The following ZKSCAN2 variants were observed in gnomAD, a reference collection of about 807,000 sequenced individuals.
The protein encoded by ZKSCAN2 is zinc finger with KRAB and SCAN domains 2.
ZKSCAN2 carries 38 observed loss-of-function variants against 90.5 expected under a neutral mutation model. That is an observed-to-expected ratio of 0.42 (90% confidence interval 0.32 to 0.55). The LOEUF is 0.55. ZKSCAN2 is among the 20% of genes least tolerant of loss of function. The pLI, the probability that ZKSCAN2 is intolerant of heterozygous loss-of-function variation, is 0.11. For missense variants in ZKSCAN2, 1,167 were observed against 1,202.6 expected (o/e 0.97, Z 0.44); for synonymous variants, 429 against 421.6 (o/e 1.02, Z -0.22).
intron 4 of ZKSCAN2, among the ~76,000 whole-genome samples, chr16:25,250,350 G>A (rs1374923428): frequency 1.3e-5 from 2 of 152,094 alleles, no homozygotes; most frequent in Non-Finnish European, 2.9e-5. Context: ...ACAACACTTG[G>A]AGGGCATTGT....
intron 1 of ZKSCAN2, among the ~76,000 whole-genome samples, chr16:25,255,823 T>C (rs911540091): frequency 5.9e-5 from 9 of 152,166 alleles, no homozygotes; most frequent in African/African-American, 1.9e-4. Flanking sequence ...CCTCAGGTGA[T>C]CAACATGCCT....
intron 6 of ZKSCAN2, 21 bp downstream of exon 6, chr16:25,243,764 C>G: frequency 6.3e-7 from 1 of 1,576,112 alleles, no homozygotes; most frequent in Non-Finnish European, 8.6e-7. Flanking sequence ...TGGACTAAAA[C>G]TCCTTGGTTT....
chr16:25,251,806 T>C (rs544452180), intron 4 of ZKSCAN2, 103 bp downstream of exon 4: 2 of 1,370,394 alleles, frequency 1.5e-6, no homozygotes, highest in East Asian at 2.4e-5. Flanking sequence ...TCCTTAGAGA[T>C]CCTTTAAGTG....
In ZKSCAN2 at chr16:25,246,987, G is replaced by C. The variant is rs1373831145; in HGVS notation, c.1209C>G (p.Ser403Arg). ...CRTKFKSLQK[S>R]YRKVRNGHML... ...TGTGGCCATTTCTCACCTTTCGATA[G>C]CTTTTCTGGAGACTTTTGAACTTGG... The change falls in exon 5 of 7, where the codon AGC (serine) becomes AGG (arginine). Residue 403 changes from serine (S) to arginine (R), a missense_variant. Ser to Arg is a moderately radical substitution (Grantham distance 110). Transcript: ENST00000328086. 1.2e-6 allele frequency: 2 copies of C among 1,614,170 alleles called. No homozygotes were observed. Among genetic ancestry groups the C allele is most frequent in the Admixed American group, 1.7e-5 (1 of 60,022 alleles).
chr16:25,238,107 A>C lies in ZKSCAN2; in HGVS notation c.*1709T>G, dbSNP rs1369395775. 6.6e-6 allele frequency: 1 copy of C among 152,226 alleles called. No homozygotes were observed. The highest frequency in any genetic ancestry group is 1.5e-5 in the Non-Finnish European group (1 of 68,044). 9.4% of individuals were successfully genotyped at this position (152,226 alleles called of 1,614,324 possible). On this transcript the variant is annotated 3_prime_UTR_variant, in exon 7 of 7. Coordinates refer to ENST00000328086, the MANE Select transcript of ZKSCAN2 (RefSeq NM_001012981.5). The stretch of plus-strand genomic sequence containing the variant: ...ACCCTATTCTGGCACCATAAATTAG[A>C]TTTCTTTCTACAGTGCCTACCCTCC...
intron 4 of ZKSCAN2, among the ~76,000 whole-genome samples, chr16:25,248,311 A>G (rs1962968314): frequency 7.7e-6 from 1 of 129,672 alleles, no homozygotes; most frequent in Non-Finnish European, 1.6e-5. Context: ...AAAAAAATCT[A>G]ATCCAAAACA....
intron 1 of ZKSCAN2, among the ~76,000 whole-genome samples, chr16:25,256,108 G>C (rs1398195650): frequency 6.6e-6 from 1 of 152,196 alleles, no homozygotes; most frequent in South Asian, 2.1e-4. Context: ...TCTACACAAT[G>C]CAAGTCTGAT....
intron 4 of ZKSCAN2, among the ~76,000 whole-genome samples, chr16:25,250,008 G>C (rs1962996645): frequency 6.6e-6 from 1 of 152,054 alleles, no homozygotes; most frequent in African/African-American, 2.4e-5. Context: ...TGGAGTACTA[G>C]CCAGTCATAA....
intron 5 of ZKSCAN2, among the ~76,000 whole-genome samples, chr16:25,245,554 T>G (rs996479956): frequency 6.6e-6 from 1 of 151,886 alleles, no homozygotes; most frequent in Non-Finnish European, 1.5e-5. Flanking sequence ...TCATTTGAGG[T>G]TGGGAGTTTG....
intron 3 of ZKSCAN2, 139 bp from the exon 4 acceptor site, chr16:25,252,174 G>C (rs977399968): frequency 5.6e-6 from 5 of 893,420 alleles, no homozygotes; most frequent in Non-Finnish European, 8.4e-6. Flanking sequence ...AAATGAAGCA[G>C]AAGAGAAAGA....
chr16:25,252,680 G>C (rs1003408418), intron 3 of ZKSCAN2, among the ~76,000 whole-genome samples: 1 of 152,054 alleles, frequency 6.6e-6, no homozygotes, highest in South Asian at 2.1e-4. Context: ...TTGGGAGGCC[G>C]GGTCGGGCGG....
Position 25,257,547 on chromosome 16 carries a change from G to C in ZKSCAN2, c.-420C>G, listed in dbSNP as rs1963129220. The C allele has an allele frequency of 2.0e-6, 2 of 983,180 alleles. No individual in the cohort carries two copies. Among genetic ancestry groups the C allele is most frequent in the Non-Finnish European group, 2.4e-6 (2 of 827,536 alleles). The allele number at this position is 983,180 out of a possible 1,614,324, so 60.9% of individuals were successfully genotyped here. A position where few individuals can be genotyped will look rare whatever the true frequency, so the allele number is the denominator to read the frequency against. ...GGAGAGGCGAGTCCCCGAGTGGGTG[G>C]GGCCGGATGTGCAGGCCCCGCCCGG... On this transcript the variant is annotated 5_prime_UTR_variant, in exon 1 of 7. Transcript: ENST00000328086.
At chr16:25,249,743 T>C (rs891547620) in intron 4 of ZKSCAN2, among the ~76,000 whole-genome samples, 8 of 152,172 alleles carry the variant, frequency 5.3e-5, no homozygotes, top group African/African-American at 1.9e-4. Context: ...TCATGCACTA[T>C]TGGTGGGAAT....
chr16:25,253,058 G>A (rs542380307), intron 2 of ZKSCAN2, 21 bp from the exon 3 acceptor site: 24 of 1,588,626 alleles, frequency 1.5e-5, no homozygotes, highest in South Asian at 6.6e-5. Context: ...AGAAAGAAAC[G>A]ATTAGTAATC....
intron 6 of ZKSCAN2, among the ~76,000 whole-genome samples, chr16:25,241,773 C>A (rs149121502): frequency 6.6e-6 from 1 of 152,192 alleles, no homozygotes; most frequent in Admixed American, 6.5e-5. Context: ...TCAGTAGAAA[C>A]CACAGATAAC....
chr16:25,252,096 CA>C, intron 3 of ZKSCAN2, 61 bp from the exon 4 acceptor site: 1 of 1,589,882 alleles, frequency 6.3e-7, no homozygotes, highest in Non-Finnish European at 8.6e-7. Context: ...AAAGGATGAG[CA>C]ATCACAGATG....
At chr16:25,255,133 T>C in intron 2 of ZKSCAN2, 73 bp downstream of exon 2, 2 of 1,479,758 alleles carry the variant, frequency 1.4e-6, no homozygotes, top group East Asian at 2.4e-5. Context: ...CCACTGCACA[T>C]TCACAGCGTT....
chr16:25,251,899 G>C lies in ZKSCAN2; in HGVS notation c.805+10C>G. The C allele has an allele frequency of 1.9e-6, 3 of 1,613,558 alleles. No homozygotes were observed. Among genetic ancestry groups the C allele is most frequent in the Non-Finnish European group, 2.5e-6 (3 of 1,179,766 alleles). ...CAAGTCTTATATTTGGAAAGGGAAG[G>C]AATCCTTACCCAGGGAGACCACGTT... On this transcript the variant is annotated intron_variant, in intron 4 of 6. Coordinates refer to ENST00000328086, the MANE Select transcript of ZKSCAN2 (RefSeq NM_001012981.5).
rs745474464 is a variant in ZKSCAN2, at chr16:25,244,242, A to G, written c.1524T>C (p.Phe508=). The G allele has an allele frequency of 8.7e-6, 14 of 1,613,884 alleles. No individual in the cohort carries two copies. The highest frequency in any genetic ancestry group is 6.7e-5 in the African/African-American group (5 of 74,910). Residue 508 remains phenylalanine, a synonymous_variant, in exon 6 of 7, where the codon TTT becomes TTC. Coordinates refer to ENST00000328086, the MANE Select transcript of ZKSCAN2 (RefSeq NM_001012981.5). ...VHWGYEETKT[F]LDILRETRFY... ...ACCGAGTCTCACGGAGGATATCAAG[A>G]AAAGTCTTGGTTTCTTCATAGCCCC...
Sources: gnomAD v4.1 joint callset for allele counts (sites outside exome capture counted in the v4.1 genomes callset) on GRCh38, gnomAD v4.1.1 for gene constraint, MANE v1.5 for transcripts, NCBI Gene and HGNC (gene_info 2026-07-23, HGNC 2026-07-21) for gene names.